The following ADAMTSL1 variants were observed in gnomAD, a reference collection of about 807,000 sequenced individuals.
The protein encoded by ADAMTSL1 is ADAMTS-like protein 1.
In ADAMTSL1, 126 loss-of-function variants were observed where a neutral mutation model predicts 201.8. The ratio of observed to expected loss-of-function variants is 0.62; its 90% CI spans 0.54 to 0.72. The LOEUF is 0.72. Among genes scored for constraint, ADAMTSL1 ranks in the 30% least tolerant of loss-of-function variants. ADAMTSL1 has a pLI of 0.00. For synonymous variants in ADAMTSL1, 1,121 were observed against 903.4 expected (o/e 1.24, Z -4.32); for missense variants, 2,679 against 2,277.8 (o/e 1.18, Z -3.59).
intron 15 of ADAMTSL1, among the ~76,000 whole-genome samples, chr9:18,730,314 A>T (rs1818134677): frequency 6.6e-6 from 1 of 152,254 alleles, no homozygotes; most frequent in Non-Finnish European, 1.5e-5. Context: ...AGAGGTAGAG[A>T]AAAAGAGATG....
chr9:17,935,205 T>C (rs1445861406), intron 1 of ADAMTSL1, among the ~76,000 whole-genome samples: 1 of 152,060 alleles, frequency 6.6e-6, no homozygotes, highest in Non-Finnish European at 1.5e-5. Flanking sequence ...CACACAGTCA[T>C]GCCCTCTTCC....
At chr9:18,395,950 ATTAC>A (rs1294851961) in intron 2 of ADAMTSL1, among the ~76,000 whole-genome samples, 1 of 152,196 alleles carries the variant, frequency 6.6e-6, no homozygotes, top group African/African-American at 2.4e-5. Flanking sequence ...TGTTTCTGAA[ATTAC>A]TTACTCCCTT....
chr9:18,051,324 C>T (rs1234611617), intron 1 of ADAMTSL1, among the ~76,000 whole-genome samples: 1 of 151,852 alleles, frequency 6.6e-6, no homozygotes, highest in Non-Finnish European at 1.5e-5. Context: ...TATATATCCA[C>T]ACTATATAAC....
chr9:18,069,826 A>G (rs1398331774), intron 1 of ADAMTSL1, among the ~76,000 whole-genome samples: 1 of 152,222 alleles, frequency 6.6e-6, no homozygotes. Context: ...TGGTAATGGC[A>G]TTGGTGGTGC....
At chr9:18,848,777 A>T (rs1019954643) in intron 23 of ADAMTSL1, among the ~76,000 whole-genome samples, 1 of 152,180 alleles carries the variant, frequency 6.6e-6, no homozygotes, top group East Asian at 1.9e-4. Context: ...CGGGTATTCA[A>T]CTCTGCAGTT....
At chr9:18,359,121 T>A (rs1282876727) in intron 2 of ADAMTSL1, among the ~76,000 whole-genome samples, 1 of 152,216 alleles carries the variant, frequency 6.6e-6, no homozygotes, top group Non-Finnish European at 1.5e-5. Flanking sequence ...TGCAATTATA[T>A]AACATACAGG....
chr9:18,057,126 A>G (rs1411279097), intron 1 of ADAMTSL1, among the ~76,000 whole-genome samples: 8 of 152,156 alleles, frequency 5.3e-5, no homozygotes, highest in Admixed American at 4.6e-4. Flanking sequence ...CTTCCCACTG[A>G]CAGGCAGGTA....
At chr9:18,218,022 T>G (rs1272106229) in intron 2 of ADAMTSL1, among the ~76,000 whole-genome samples, 1 of 152,144 alleles carries the variant, frequency 6.6e-6, no homozygotes. Context: ...AATATTGATG[T>G]GGAAGCAGGA....
At chr9:18,114,288 C>G (rs1225608241) in intron 1 of ADAMTSL1, among the ~76,000 whole-genome samples, 2 of 152,166 alleles carry the variant, frequency 1.3e-5, no homozygotes, top group Non-Finnish European at 1.5e-5. Flanking sequence ...TCAGGAGAAA[C>G]AGCTACGGAT....
In ADAMTSL1 at chr9:18,476,799, A is replaced by G. The variant is rs193065580; in HGVS notation, c.63+2504A>G. 5.6e-3 allele frequency among the ~76,000 whole-genome samples: 856 copies of G among 152,262 alleles called. 9 individuals are homozygous for G. The highest frequency in any genetic ancestry group is 0.019 in the African/African-American group (810 of 41,558). On this transcript the variant is annotated intron_variant, in intron 1 of 28. Coordinates refer to ENST00000380548, the MANE Select transcript of ADAMTSL1 (RefSeq NM_001040272.6). ...ATCCTGTCTATTTTGTGGCAAGCCC[A>G]GTTTCTACCTTATTAAAATATCCCT...
intron 2 of ADAMTSL1, among the ~76,000 whole-genome samples, chr9:18,409,337 T>C (rs555894045): frequency 7.3e-6 from 1 of 136,060 alleles, no homozygotes; most frequent in Admixed American, 8.3e-5. Flanking sequence ...GAACCAAGAT[T>C]GCGCCCCTGC....
At chr9:18,131,163 G>A (rs1159926151) in intron 1 of ADAMTSL1, among the ~76,000 whole-genome samples, 1 of 151,926 alleles carries the variant, frequency 6.6e-6, no homozygotes, top group Non-Finnish European at 1.5e-5. Flanking sequence ...ACTAAGTCTT[G>A]GTGTCATTGG....
chr9:18,393,305 C>T (rs1051817602), intron 2 of ADAMTSL1, among the ~76,000 whole-genome samples: 1 of 152,200 alleles, frequency 6.6e-6, no homozygotes, highest in Middle Eastern at 3.4e-3. Flanking sequence ...CACTTAATTG[C>T]CTGTGAATGT....
In ADAMTSL1 at chr9:18,149,626, T is replaced by C. The variant is rs79812831; in HGVS notation, c.88-14236T>C. ...TATAATGAGATTCCCCATTGACATA[T>C]GTACATCAAAATCTGAGAAACACTG... On this transcript the variant is annotated intron_variant, in intron 1 of 29. Coordinates refer to the ADAMTSL1 transcript ENST00000680146. Among the ~76,000 whole-genome samples, 1,074 of 152,130 alleles carry C rather than the reference T, an allele frequency of 7.1e-3. 5 individuals carry two copies. The highest frequency in any genetic ancestry group is 0.01 in the Non-Finnish European group (705 of 67,984).
chr9:18,188,420 A>G (rs1459953691), intron 2 of ADAMTSL1, among the ~76,000 whole-genome samples: 3 of 152,148 alleles, frequency 2.0e-5, no homozygotes, highest in Non-Finnish European at 4.4e-5. Flanking sequence ...AAATGAAAAC[A>G]TGAACTATGC....
intron 6 of ADAMTSL1, 87 bp downstream of exon 6, chr9:18,636,104 A>G (rs1827095053): frequency 2.7e-6 from 3 of 1,118,138 alleles, no homozygotes; most frequent in Non-Finnish European, 3.8e-6. Context: ...TTAAAACACA[A>G]GAATACAAAT....
chr9:18,285,915 T>C (rs1299652302), intron 2 of ADAMTSL1, among the ~76,000 whole-genome samples: 3 of 152,134 alleles, frequency 2.0e-5, no homozygotes, highest in Admixed American at 6.5e-5. Flanking sequence ...AGCATATTCA[T>C]AAGACTGCAC....
intron 3 of ADAMTSL1, among the ~76,000 whole-genome samples, chr9:18,561,440 A>G (rs1821491243): frequency 6.6e-6 from 1 of 152,144 alleles, no homozygotes; most frequent in South Asian, 2.1e-4. Context: ...GGAGTGTTTT[A>G]CTTCCAATTA....
chr9:18,353,498 C>T lies in ADAMTSL1; in HGVS notation c.208-151331C>T, dbSNP rs563401662. Reference sequence around the variant, plus strand: ...GATTTTTTGGCATAATCCATGAAAGCACAGGTTAGGGTGAACATGGACATG... The same window carrying T: ...GATTTTTTGGCATAATCCATGAAAGTACAGGTTAGGGTGAACATGGACATG... On this transcript the variant is annotated intron_variant, in intron 2 of 29. Coordinates refer to the ADAMTSL1 transcript ENST00000680146. 2.6e-5 allele frequency among the ~76,000 whole-genome samples: 4 copies of T among 152,238 alleles called. No homozygotes were observed. In the East Asian group the frequency reaches 5.8e-4, roughly 22 times the overall value.
Sources: allele counts gnomAD v4.1 joint callset (sites outside exome capture counted in the v4.1 genomes callset), GRCh38; gene constraint gnomAD v4.1.1; transcripts MANE v1.5; gene names NCBI Gene and HGNC (gene_info 2026-07-23, HGNC 2026-07-21).